Variants in CD200R1L observed in about 807,000 individuals in gnomAD.
CD200R1L encodes CD200 receptor 1 like, also known as cell surface glycoprotein CD200 receptor 2.
CD200R1L carries 14 observed loss-of-function variants against 24.8 expected under a neutral mutation model. The observed-to-expected ratio is 0.56, with a 90% CI of 0.37 to 0.88. CD200R1L has a LOEUF of 0.88. Among genes scored for constraint, CD200R1L ranks in the 40% least tolerant of loss-of-function variants. The pLI is 0.00. For missense variants in CD200R1L, 299 were observed against 297.8 expected, an observed-to-expected ratio of 1.00 and a Z score of -0.03; for synonymous variants, 111 against 109.2, an observed-to-expected ratio of 1.02 and a Z score of -0.11.
chr3:112,828,910 T>C (rs1014544108), intron 4 of CD200R1L, among the ~76,000 whole-genome samples: 1 of 152,194 alleles, frequency 6.6e-6, no homozygotes, highest in East Asian at 1.9e-4. Flanking sequence ...CAAAACTTTA[T>C]GTGGATGAAG....
chr3:112,842,130 G>A (rs1040961019), intron 2 of CD200R1L, among the ~76,000 whole-genome samples: 3 of 152,124 alleles, frequency 2.0e-5, no homozygotes, highest in Non-Finnish European at 2.9e-5. Flanking sequence ...CCTGCTCCTG[G>A]GACCAACATC....
At chr3:112,831,353 T>C (rs1938794188) in intron 3 of CD200R1L, among the ~76,000 whole-genome samples, 3 of 152,186 alleles carry the variant, frequency 2.0e-5, no homozygotes, top group Admixed American at 2.0e-4. Context: ...TCAGATTTAA[T>C]ACATTAATTA....
chr3:112,816,950 A>G (rs191392145), intron 7 of CD200R1L, among the ~76,000 whole-genome samples: 1 of 152,176 alleles, frequency 6.6e-6, no homozygotes, highest in East Asian at 1.9e-4. Context: ...GCCTTACACC[A>G]TGATTATGAG....
chr3:112,833,745 TG>T lies in CD200R1L; in HGVS notation c.-18+4196del, dbSNP rs1385575418. 2.6e-5 allele frequency among the ~76,000 whole-genome samples: 4 copies of T among 152,156 alleles called. No individual in the cohort carries two copies. The East Asian group carries it at 7.7e-4, about 29-fold the overall frequency. ...CCTCAGTTCACATCTAAGCCCTCCC[TG>T]TGTGTTCCCTAGGACCAAAACCCAA... On this transcript the variant is annotated intron_variant, in intron 3 of 7. Coordinates refer to ENST00000488794, the MANE Select transcript of CD200R1L (RefSeq NM_001199215.3).
intron 2 of CD200R1L, among the ~76,000 whole-genome samples, chr3:112,843,673 CA>C (rs1939132075): frequency 6.6e-6 from 1 of 152,220 alleles, no homozygotes; most frequent in Admixed American, 6.5e-5. Context: ...CAGCTAATGA[CA>C]TCACAACAGA....
chr3:112,826,976 A>C lies in CD200R1L; in HGVS notation c.616+17T>G. On this transcript the variant is annotated intron_variant, in intron 6 of 7. Transcript: ENST00000488794. ...TTGAGCATCAAGTTTACTCTTCTACAAGAAACAGGCGCTTACCTGAATTCA... is the reference window on the plus strand; with the variant it reads ...TTGAGCATCAAGTTTACTCTTCTACCAGAAACAGGCGCTTACCTGAATTCA... 6.4e-7 allele frequency: 1 copy of C among 1,564,148 alleles called. No homozygotes were observed. Among genetic ancestry groups the C allele is most frequent in the Non-Finnish European group, 8.6e-7 (1 of 1,158,200 alleles).
chr3:112,833,686 C>G (rs144632213), intron 3 of CD200R1L, among the ~76,000 whole-genome samples: 1 of 152,178 alleles, frequency 6.6e-6, no homozygotes, highest in Non-Finnish European at 1.5e-5. Context: ...TCCAGGCCCC[C>G]ACTTCATATA....
intron 2 of CD200R1L, among the ~76,000 whole-genome samples, chr3:112,841,016 C>T (rs1008051439): frequency 7.2e-5 from 11 of 152,038 alleles, no homozygotes; most frequent in East Asian, 1.9e-4. Flanking sequence ...ATCAGGGATC[C>T]GGAATGTATG....
chr3:112,833,145 G>A (rs1938853030), intron 3 of CD200R1L, among the ~76,000 whole-genome samples: 1 of 152,176 alleles, frequency 6.6e-6, no homozygotes, highest in Non-Finnish European at 1.5e-5. Context: ...CCACTGAGTA[G>A]CACAACACTT....
chr3:112,835,982 C>A (rs952617739), intron 3 of CD200R1L, among the ~76,000 whole-genome samples: 2 of 152,230 alleles, frequency 1.3e-5, no homozygotes, highest in Non-Finnish European at 2.9e-5. Flanking sequence ...CCGCAGTAGG[C>A]AAAGAGCAGG....
Position 112,815,926 on chromosome 3 carries a change from CAAG to C in CD200R1L, c.*34_*36del. On this transcript the variant is annotated 3_prime_UTR_variant, in exon 8 of 8. Transcript: ENST00000488794. ...TCTCACCAATGTTGCAGTCCAGAGA[CAAG>C]GAGGAGAAGCAAAAGAAGACCCTTC... 1 of 780,076 alleles carries C rather than the reference CAAG, an allele frequency of 1.3e-6. No homozygotes were observed. Among genetic ancestry groups the C allele is most frequent in the Non-Finnish European group, 2.4e-6 (1 of 417,562 alleles). The allele number at this position is 780,076 out of a possible 1,614,324, so 48.3% of individuals were successfully genotyped here. A position where few individuals can be genotyped will look rare whatever the true frequency, so the allele number is the denominator to read the frequency against.
At chr3:112,843,811 C>A (rs532808506) in intron 2 of CD200R1L, among the ~76,000 whole-genome samples, 8 of 151,904 alleles carry the variant, frequency 5.3e-5, no homozygotes, top group Middle Eastern at 6.8e-3. Flanking sequence ...ACCTATCTCA[C>A]ACAGACCTAA....
intron 4 of CD200R1L, among the ~76,000 whole-genome samples, chr3:112,828,702 A>C (rs2107340038): frequency 6.6e-6 from 1 of 152,276 alleles, no homozygotes; most frequent in African/African-American, 2.4e-5. Flanking sequence ...TAAAGTAAAA[A>C]TTAAGCCCTG....
chr3:112,828,141 T>C (rs1938712243), intron 4 of CD200R1L, among the ~76,000 whole-genome samples: 1 of 152,186 alleles, frequency 6.6e-6, no homozygotes, highest in Non-Finnish European at 1.5e-5. Context: ...TCCTCCTTCG[T>C]TTTGGTGAGC....
intron 3 of CD200R1L, among the ~76,000 whole-genome samples, chr3:112,837,424 C>T (rs1308852827): frequency 2.6e-5 from 4 of 152,166 alleles, no homozygotes; most frequent in Non-Finnish European, 4.4e-5. Flanking sequence ...CCAGGCTCTG[C>T]TCTCACTGCA....
chr3:112,844,680 A>C (rs1020653008), intron 2 of CD200R1L, among the ~76,000 whole-genome samples: 1 of 152,028 alleles, frequency 6.6e-6, no homozygotes, highest in African/African-American at 2.4e-5. Flanking sequence ...TAATCCCAGC[A>C]CTTTGGGAGC....
chr3:112,830,633 G>A (rs1013486651), intron 3 of CD200R1L, among the ~76,000 whole-genome samples: 1 of 151,298 alleles, frequency 6.6e-6, no homozygotes, highest in African/African-American at 2.4e-5. Context: ...TGGCAACAGA[G>A]CATAGCCTTT....
intron 3 of CD200R1L, among the ~76,000 whole-genome samples, chr3:112,836,446 T>C (rs1298230581): frequency 6.6e-6 from 1 of 152,210 alleles, no homozygotes; most frequent in Non-Finnish European, 1.5e-5. Context: ...CCTTTTGTAC[T>C]CTCATAACCA....
At chr3:112,836,017 T>C (rs1359954335) in intron 3 of CD200R1L, among the ~76,000 whole-genome samples, 2 of 152,242 alleles carry the variant, frequency 1.3e-5, no homozygotes, top group Admixed American at 1.3e-4. Context: ...CAGCCAACCC[T>C]GCACAAATGA....
Sources: gnomAD v4.1 joint callset for allele counts (sites outside exome capture counted in the v4.1 genomes callset) on GRCh38, gnomAD v4.1.1 for gene constraint, MANE v1.5 for transcripts, NCBI Gene and HGNC (gene_info 2026-07-23, HGNC 2026-07-21) for gene names.